Variants in PCDHGB1 observed in about 807,000 individuals in gnomAD.
PCDHGB1 encodes protocadherin gamma subfamily B, 1.
In PCDHGB1, 34 loss-of-function variants were observed where a neutral mutation model predicts 56.6. That is an observed-to-expected ratio of 0.60 (90% confidence interval 0.46 to 0.80). The LOEUF is 0.80. PCDHGB1 is among the 30% of genes least tolerant of loss of function. The pLI, the probability that PCDHGB1 is intolerant of heterozygous loss-of-function variation, is 0.00. For missense variants in PCDHGB1, 1,278 were observed against 1,204.6 expected (o/e 1.06, Z -0.90); for synonymous variants, 561 against 505.9 (o/e 1.11, Z -1.46).
chr5:141,409,961 C>G (rs538942740), intron 1 of PCDHGB1: 26 of 1,613,442 alleles, frequency 1.6e-5, no homozygotes, highest in Admixed American at 8.3e-5. Context: ...GCCCGGCTAC[C>G]TAGTGACTAA....
intron 1 of PCDHGB1, chr5:141,393,869 G>A: frequency 1.2e-6 from 2 of 1,613,982 alleles, no homozygotes; most frequent in Non-Finnish European, 1.7e-6. Context: ...TTACGTCTTT[G>A]TTTAGCCCAG....
intron 1 of PCDHGB1, chr5:141,370,325 G>A (rs1414705045): frequency 5.0e-6 from 7 of 1,390,940 alleles, no homozygotes; most frequent in Non-Finnish European, 6.8e-6. Context: ...GGTCCTGCTC[G>A]GAGAACTCTT....
chr5:141,423,744 A>T, intron 1 of PCDHGB1: 4 of 429,458 alleles, frequency 9.3e-6, no homozygotes, highest in Non-Finnish European at 8.7e-6. Context: ...TGTTATGAAA[A>T]CTGTTTGGGG....
intron 1 of PCDHGB1, chr5:141,360,795 A>G (rs755316172): frequency 2.5e-6 from 4 of 1,613,818 alleles, no homozygotes; most frequent in African/African-American, 2.7e-5. Context: ...GCGGAGACCC[A>G]CCTCAAAGTG....
intron 1 of PCDHGB1, among the ~76,000 whole-genome samples, chr5:141,468,952 G>GTT (rs34870721): frequency 3.3e-5 from 5 of 151,198 alleles, no homozygotes; most frequent in Admixed American, 6.6e-5. Flanking sequence ...TAAACCTGTG[G>GTT]TTTTTTTTAC....
rs1257565821 is a variant in PCDHGB1, at chr5:141,487,319, C to G, written c.2410-7488C>G. ...ATTCGTGGCACTACTCTCTAAGTGTCTTCGTGGGGCAGCCTGTGGAGTCAC... is the reference window on the plus strand; with the variant it reads ...ATTCGTGGCACTACTCTCTAAGTGTGTTCGTGGGGCAGCCTGTGGAGTCAC... On this transcript the variant is annotated intron_variant, in intron 1 of 3. Transcript: ENST00000523390. The surrounding 1 kb of genome is among the most constrained non-coding windows in gnomAD (Gnocchi z 5.0). The G allele has an allele frequency of 6.2e-7, 1 of 1,614,052 alleles. No homozygotes were observed. The highest frequency in any genetic ancestry group is 1.3e-5 in the African/African-American group (1 of 74,930).
At chr5:141,385,259 A>G (rs1202101252) in intron 1 of PCDHGB1, 2 of 1,613,774 alleles carry the variant, frequency 1.2e-6, no homozygotes, top group Middle Eastern at 1.6e-4. Context: ...AGCTGTGAGA[A>G]AAATGATTCT....
Position 141,367,081 on chromosome 5 carries a change from A to C in PCDHGB1, c.2409+14412A>C, listed in dbSNP as rs1480866760. On this transcript the variant is annotated intron_variant, in intron 1 of 3. Transcript: ENST00000523390. ...TTTATTTATTCAAATTGTTAGATAT[A>C]TTGTTCTCTTTTGAGTGTCTGCCTA... 5.9e-5 allele frequency: 16 copies of C among 272,890 alleles called. No individual in the cohort carries two copies. The Admixed American group carries it at 7.0e-4, about 12-fold the overall frequency. 16.9% of individuals were successfully genotyped at this position (272,890 alleles called of 1,614,324 possible).
intron 1 of PCDHGB1, among the ~76,000 whole-genome samples, chr5:141,472,071 A>G (rs1243864250): frequency 6.6e-6 from 1 of 152,200 alleles, no homozygotes. Context: ...GTCTGTGGTT[A>G]TATCAATGAG....
At chr5:141,372,324 G>A (rs559633972) in intron 1 of PCDHGB1, 3 of 1,613,704 alleles carry the variant, frequency 1.9e-6, no homozygotes, top group East Asian at 2.2e-5. Context: ...GCGCCTGCTG[G>A]TCACTGTGCG....
chr5:141,394,433 G>A lies in PCDHGB1; in HGVS notation c.2409+41764G>A, dbSNP rs1180818373. ...TAACAGCCAGCGACAGCGGGGACCC[G>A]CCCCTCAGCAGCAACATGTCACTGA... On this transcript the variant is annotated intron_variant, in intron 1 of 3. Coordinates refer to ENST00000523390, the MANE Select transcript of PCDHGB1 (RefSeq NM_018922.3). 3.7e-6 allele frequency: 6 copies of A among 1,614,088 alleles called. No homozygotes were observed. The East Asian group carries it at 8.9e-5, about 24-fold the overall frequency.
chr5:141,371,781 G>A (rs1443074185), intron 1 of PCDHGB1: 1 of 1,613,878 alleles, frequency 6.2e-7, no homozygotes, highest in Non-Finnish European at 8.5e-7. Context: ...GCATGTAGCT[G>A]AGAACAATCC....
intron 1 of PCDHGB1, chr5:141,365,186 GA>G: frequency 1.2e-6 from 2 of 1,613,880 alleles, no homozygotes; most frequent in Non-Finnish European, 1.7e-6. Flanking sequence ...CAATGAAGAA[GA>G]AAAAATTTCG....
Position 141,485,987 on chromosome 5 carries a change from G to T in PCDHGB1, c.2410-8820G>T. 1 of 1,614,170 alleles carries T rather than the reference G, an allele frequency of 6.2e-7. No homozygotes were observed. On this transcript the variant is annotated intron_variant, in intron 1 of 3. Transcript: ENST00000523390. The surrounding 1 kb of genome is among the most constrained non-coding windows in gnomAD (Gnocchi z 5.7). ...GCTCAATGCCTCAGACCCGGACCTG[G>T]GTCCCAGTGGTAACGTCACCTTTTA...
chr5:141,459,574 T>G (rs1163443021), intron 1 of PCDHGB1, among the ~76,000 whole-genome samples: 6 of 152,226 alleles, frequency 3.9e-5, no homozygotes, highest in African/African-American at 1.4e-4. Flanking sequence ...AAAACAGAAT[T>G]GTTTTGGGGG....
In PCDHGB1 at chr5:141,431,248, G is replaced by C. The variant is rs1213088915; in HGVS notation, c.2410-63559G>C. On this transcript the variant is annotated intron_variant, in intron 1 of 3. Coordinates refer to ENST00000523390, the MANE Select transcript of PCDHGB1 (RefSeq NM_018922.3). This position sits in a 1 kb window ranked among gnomAD's most constrained non-coding sequence, Gnocchi z 4.8. ...CCCACGCCTGGGATCCGGATATCGG[G>C]AAGAACTCTCTGCAGAGCTACGAGC... is the stretch of plus-strand genomic sequence containing the variant. 5 of 1,614,022 alleles carry C rather than the reference G, an allele frequency of 3.1e-6. No homozygotes were observed. Among genetic ancestry groups the C allele is most frequent in the Non-Finnish European group, 4.2e-6 (5 of 1,180,056 alleles).
Position 141,477,782 on chromosome 5 carries a change from T to G in PCDHGB1, c.2410-17025T>G, listed in dbSNP as rs763675478. 1.2e-5 allele frequency: 20 copies of G among 1,613,902 alleles called. No individual in the cohort carries two copies. Among genetic ancestry groups the G allele is most frequent in the Non-Finnish European group, 1.7e-5 (20 of 1,180,042 alleles). ...AGCCACCAACATCAGCGTGAACATA[T>G]TTGTCACTGATCGCAATGACAATGC... On this transcript the variant is annotated intron_variant, in intron 1 of 3. Coordinates refer to ENST00000523390, the MANE Select transcript of PCDHGB1 (RefSeq NM_018922.3). The surrounding 1 kb of genome is among the most constrained non-coding windows in gnomAD (Gnocchi z 4.9).
chr5:141,359,428 G>A (rs1561518196), intron 1 of PCDHGB1, among the ~76,000 whole-genome samples: 1 of 151,478 alleles, frequency 6.6e-6, no homozygotes, highest in East Asian at 1.9e-4. Flanking sequence ...TGTTAGAATG[G>A]GCAGTGGGTT....
intron 1 of PCDHGB1, among the ~76,000 whole-genome samples, chr5:141,457,384 G>A (rs2154565902): frequency 6.6e-6 from 1 of 152,270 alleles, no homozygotes; most frequent in African/African-American, 2.4e-5. Context: ...CCCAGAACTA[G>A]CATATTGATT....
Sources: allele counts gnomAD v4.1 joint callset (sites outside exome capture counted in the v4.1 genomes callset), GRCh38; gene constraint gnomAD v4.1.1; non-coding constraint Gnocchi (gnomAD v3.1); transcripts MANE v1.5; gene names NCBI Gene and HGNC (gene_info 2026-07-23, HGNC 2026-07-21).